IGLL5: variants seen among roughly 807,000 people sequenced by gnomAD.
The protein encoded by IGLL5 is immunoglobulin lambda-like polypeptide 5.
IGLL5 carries 30 observed loss-of-function variants against 20.9 expected under a neutral mutation model. The ratio of observed to expected loss-of-function variants is 1.44; its 90% CI spans 1.07 to 1.95. IGLL5 has a LOEUF of 1.95. Ranked by LOEUF, IGLL5 falls within the 30% of genes most tolerant of loss-of-function variation. The pLI is 0.00. For synonymous variants in IGLL5, 203 were observed against 117.3 expected, an observed-to-expected ratio of 1.73 and a Z score of -4.72; for missense variants, 475 against 270.7, an observed-to-expected ratio of 1.75 and a Z score of -5.30.
At chr22:22,889,999 T>G (rs1468468999) in intron 1 of IGLL5, among the ~76,000 whole-genome samples, 4 of 151,122 alleles carry the variant, frequency 2.6e-5, no homozygotes, top group Non-Finnish European at 5.9e-5. Flanking sequence ...CACCTAATTT[T>G]AATGTGGCTT....
At chr22:22,889,506 C>T (rs1220564692) in intron 1 of IGLL5, among the ~76,000 whole-genome samples, 2 of 151,136 alleles carry the variant, frequency 1.3e-5, no homozygotes, top group East Asian at 2.0e-4. Context: ...GTTAGCTCAG[C>T]ATTATTAGTG....
chr22:22,893,946 T>G (rs543427196), intron 2 of IGLL5, 128 bp downstream of exon 2: 6 of 741,736 alleles, frequency 8.1e-6, no homozygotes, highest in African/African-American at 3.4e-5. Context: ...CCTTTCTCCA[T>G]GGGGCCTGGA....
intron 1 of IGLL5, among the ~76,000 whole-genome samples, 192 bp downstream of exon 1, chr22:22,888,451 A>C (rs186215914): frequency 6.6e-6 from 1 of 151,316 alleles, no homozygotes; most frequent in East Asian, 2.0e-4. Context: ...TTTTAATATC[A>C]TATTACGATA....
At chr22:22,894,565 T>G (rs565834640) in intron 2 of IGLL5, among the ~76,000 whole-genome samples, 1 of 151,366 alleles carries the variant, frequency 6.6e-6, no homozygotes, top group Admixed American at 6.6e-5. Context: ...CCTCCTGCCT[T>G]CCTCAAAGGG....
At chr22:22,891,412 C>T (rs1015766515) in intron 1 of IGLL5, among the ~76,000 whole-genome samples, 10 of 151,160 alleles carry the variant, frequency 6.6e-5, no homozygotes, top group Admixed American at 6.6e-5. Flanking sequence ...GCTATTCCTG[C>T]GCCCACCCTG....
rs2067550882 is a variant in IGLL5, at chr22:22,887,837, G to A, written c.-217G>A. The A allele has an allele frequency of 6.6e-6, 4 of 605,518 alleles. No homozygotes were observed. The highest frequency in any genetic ancestry group is 3.7e-5 in the African/African-American group (2 of 53,898). The allele number at this position is 605,518 out of a possible 1,614,324, so 37.5% of individuals were successfully genotyped here. A position where few individuals can be genotyped will look rare whatever the true frequency, so the allele number is the denominator to read the frequency against. ...GATTGTGACCGCTTCAGGGCAGTTG[G>A]TAGATGCCCCTCTGGGAGAGATCCC... On this transcript the variant is annotated 5_prime_UTR_variant, in exon 1 of 3. Coordinates refer to ENST00000526893, the MANE Select transcript of IGLL5 (RefSeq NM_001178126.2).
chr22:22,888,819 A>C (rs1393217214), intron 1 of IGLL5, among the ~76,000 whole-genome samples: 6 of 151,392 alleles, frequency 4.0e-5, no homozygotes, highest in Admixed American at 2.0e-4. Context: ...CTGTCCAGTC[A>C]TTGGAACAGG....
Position 22,895,487 on chromosome 22 carries a change from G to A in IGLL5, c.438G>A (p.Val146=), listed in dbSNP as rs2066747351. ...CLISDFYPGA[V]TVAWKADGSP... The stretch of plus-strand genomic sequence containing the variant: ...TCAGTGACTTCTACCCGGGAGCTGT[G>A]ACAGTGGCCTGGAAGGCAGATGGCA... Residue 146 remains valine (V), a synonymous_variant, in exon 3 of 3, where the codon GTG becomes GTA. Coordinates refer to ENST00000526893, the MANE Select transcript of IGLL5 (RefSeq NM_001178126.2). 3.7e-6 allele frequency: 6 copies of A among 1,612,784 alleles called. No individual in the cohort carries two copies. The East Asian group carries it at 1.3e-4, about 36-fold the overall frequency.
chr22:22,895,570 A>T lies in IGLL5; in HGVS notation c.521A>T (p.Tyr174Phe). 2 of 1,613,230 alleles carry T rather than the reference A, an allele frequency of 1.2e-6. No individual in the cohort carries two copies. The highest frequency in any genetic ancestry group is 1.1e-5 in the South Asian group (1 of 91,036). The part of the protein sequence containing the change: ...TKPSKQSNNK[Y>F]AASSYLSLTP... ...CCCTCCAAACAGAGCAACAACAAGT[A>T]CGCGGCCAGCAGCTACCTGAGCCTG... is the stretch of plus-strand genomic sequence containing the variant. The change falls in exon 3 of 3, where the codon TAC becomes TTC. Residue 174 changes from tyrosine to phenylalanine, a missense_variant. Coordinates refer to ENST00000526893, the MANE Select transcript of IGLL5 (RefSeq NM_001178126.2).
At chr22:22,890,001 A>C (rs2067768337) in intron 1 of IGLL5, among the ~76,000 whole-genome samples, 1 of 151,110 alleles carries the variant, frequency 6.6e-6, no homozygotes, top group African/African-American at 2.4e-5. Flanking sequence ...CCTAATTTTA[A>C]TGTGGCTTTA....
intron 1 of IGLL5, among the ~76,000 whole-genome samples, chr22:22,889,403 A>G (rs147697926): frequency 2.6e-5 from 4 of 151,282 alleles, no homozygotes; most frequent in East Asian, 2.0e-4. Context: ...AAGTGTGTTT[A>G]TCTAAACTGG....
At position 22,893,900 on chromosome 22, in the gene IGLL5, C is replaced by T. The variant is rs377080657; in HGVS notation, c.325+82C>T. 1.5e-4 allele frequency: 141 copies of T among 945,426 alleles called. No individual in the cohort carries two copies. The African/African-American group carries it at 1.9e-3, about 13-fold the overall frequency. 58.6% of individuals were successfully genotyped at this position (945,426 alleles called of 1,614,324 possible). On this transcript the variant is annotated intron_variant, in intron 2 of 2. Transcript: ENST00000526893. ...CTGTTTTCTCTCTCTGGGGCTTCCT[C>T]CCCTCTGTCCTCCCAGCCTTAAGCA...
At chr22:22,889,249 G>C (rs1569081977) in intron 1 of IGLL5, among the ~76,000 whole-genome samples, 2 of 151,134 alleles carry the variant, frequency 1.3e-5, no homozygotes, top group East Asian at 2.0e-4. Context: ...CAGATTCAGA[G>C]CACCCAGGGG....
rs141469467 is a variant in IGLL5, at chr22:22,888,335, C to T, written c.206+76C>T. On this transcript the variant is annotated intron_variant, in intron 1 of 2. Transcript: ENST00000526893. Reference sequence around the variant, plus strand: ...GAAAGGGTGACCAAGGGGAGACAAGCCAGAGGAGTGAGGAGGAAGGTTAAC... The same window carrying T: ...GAAAGGGTGACCAAGGGGAGACAAGTCAGAGGAGTGAGGAGGAAGGTTAAC... 5.2e-5 allele frequency: 72 copies of T among 1,387,616 alleles called. 2 individuals are homozygous for T. The highest frequency in any genetic ancestry group is 2.6e-4 in the Middle Eastern group (1 of 3,912). The allele number at this position is 1,387,616 out of a possible 1,614,324, so 86.0% of individuals were successfully genotyped here.
In IGLL5 at chr22:22,895,849, A is replaced by ATT; in HGVS notation, c.*162_*163dup. ...ACAACCAGAAATCTTGTTTTATCTC[A>ATT]TTTTTTTTCTCACATAAATTGCTAG... On this transcript the variant is annotated 3_prime_UTR_variant, in exon 3 of 3. Coordinates refer to ENST00000526893, the MANE Select transcript of IGLL5 (RefSeq NM_001178126.2). The ATT allele has an allele frequency of 1.3e-6, 1 of 776,528 alleles. No homozygotes were observed. Among genetic ancestry groups the ATT allele is most frequent in the South Asian group, 1.7e-5 (1 of 59,916 alleles). The allele number at this position is 776,528 out of a possible 1,614,324, so 48.1% of individuals were successfully genotyped here.
chr22:22,888,529 C>T lies in IGLL5; in HGVS notation c.206+270C>T, dbSNP rs189361441. ...TTCACCAGGGTCAGTGCCTCAATCA[C>T]CTAGTCCTAGTCCTCTGGGTAGGGA... On this transcript the variant is annotated intron_variant, in intron 1 of 2. Coordinates refer to ENST00000526893, the MANE Select transcript of IGLL5 (RefSeq NM_001178126.2). Among the ~76,000 whole-genome samples, 7 of 151,402 alleles carry T rather than the reference C, an allele frequency of 4.6e-5. No individual in the cohort carries two copies. The East Asian group carries it at 6.1e-4, about 13-fold the overall frequency.
At chr22:22,889,190 T>A (rs547989911) in intron 1 of IGLL5, among the ~76,000 whole-genome samples, 1 of 150,878 alleles carries the variant, frequency 6.6e-6, no homozygotes, top group South Asian at 2.1e-4. Flanking sequence ...AAGTCCAGGG[T>A]AGGTGGGGAT....
rs546456141 is a variant in IGLL5 at position 22,895,463 on chromosome 22, C to A, written c.414C>A (p.Ile138=). ...ACAAGGCCACACTAGTGTGTCTGATCAGTGACTTCTACCCGGGAGCTGTGA... is the reference window on the plus strand; with the variant it reads ...ACAAGGCCACACTAGTGTGTCTGATAAGTGACTTCTACCCGGGAGCTGTGA... The part of the protein sequence containing the change: ...QANKATLVCL[I]SDFYPGAVTV... Residue 138 remains isoleucine, a synonymous_variant, in exon 3 of 3, where the codon ATC becomes ATA. Transcript: ENST00000526893. 1.0e-4 allele frequency: 163 copies of A among 1,612,848 alleles called. 2 individuals carry two copies. In the South Asian group the frequency reaches 1.6e-3, roughly 16 times the overall value.
At chr22:22,888,749 AT>A in intron 1 of IGLL5, among the ~76,000 whole-genome samples, 1 of 151,396 alleles carries the variant, frequency 6.6e-6, no homozygotes, top group Non-Finnish European at 1.5e-5. Context: ...CAACTTGCAC[AT>A]AAATGCTTAC....
Sources: allele counts gnomAD v4.1 joint callset (sites outside exome capture counted in the v4.1 genomes callset), GRCh38; gene constraint gnomAD v4.1.1; transcripts MANE v1.5; gene names NCBI Gene and HGNC (gene_info 2026-07-23, HGNC 2026-07-21).